Variants in AFTPH observed in about 807,000 individuals in gnomAD.
AFTPH encodes aftiphilin protein.
Under a neutral mutation model 72.5 loss-of-function variants are expected in AFTPH, and 7 were observed. That is an observed-to-expected ratio of 0.10 (90% CI 0.05 to 0.18). The LOEUF (loss-of-function observed/expected upper bound fraction) is 0.18, where lower values mean the gene tolerates loss of function less well. Among genes scored for constraint, AFTPH ranks in the 10% least tolerant of loss-of-function variants. The probability of loss-of-function intolerance (pLI) is 1.00; values close to 1 mark genes in which losing one functional copy is unlikely to be tolerated. For missense variants in AFTPH, 979 were observed against 1,060.5 expected (o/e 0.92, Z 1.07); for synonymous variants, 337 against 370.1 (o/e 0.91, Z 1.03).
chr2:64,528,498 T>C (rs934089497), intron 1 of AFTPH, among the ~76,000 whole-genome samples: 1 of 152,242 alleles, frequency 6.6e-6, no homozygotes, highest in African/African-American at 2.4e-5. Flanking sequence ...TAATGGCAGA[T>C]GATGTTAAGT....
intron 1 of AFTPH, among the ~76,000 whole-genome samples, chr2:64,547,671 A>G (rs190176960): frequency 1.3e-5 from 2 of 152,298 alleles, no homozygotes; most frequent in East Asian, 3.9e-4. Flanking sequence ...ATCCATTATT[A>G]TCTTTATTTC....
intron 1 of AFTPH, among the ~76,000 whole-genome samples, chr2:64,550,688 C>G (rs1251765489): frequency 1.8e-5 from 1 of 56,130 alleles, no homozygotes; most frequent in African/African-American, 7.2e-5. Flanking sequence ...CACACACACA[C>G]ACACACACAC....
intron 1 of AFTPH, among the ~76,000 whole-genome samples, chr2:64,538,694 A>G (rs931340793): frequency 2.0e-5 from 3 of 152,238 alleles, no homozygotes; most frequent in Admixed American, 2.0e-4. Flanking sequence ...TAAAATTAAT[A>G]GCACCTGGCA....
At chr2:64,531,681 G>T (rs1669640179) in intron 1 of AFTPH, among the ~76,000 whole-genome samples, 1 of 152,164 alleles carries the variant, frequency 6.6e-6, no homozygotes, top group Admixed American at 6.5e-5. Context: ...TGTGATTTCA[G>T]TGTAAAATAC....
chr2:64,568,927 G>T (rs746489676), intron 3 of AFTPH, among the ~76,000 whole-genome samples, 165 bp from the exon 4 acceptor site: 1 of 152,168 alleles, frequency 6.6e-6, no homozygotes, highest in African/African-American at 2.4e-5. Flanking sequence ...TATTTTTCTA[G>T]TGACTATAAG....
rs775462789 is a variant in AFTPH, at chr2:64,573,081, A to G, written c.2394+13A>G. On this transcript the variant is annotated intron_variant, in intron 6 of 8. Transcript: ENST00000238856. ...TGATCAGTTCCAGGTAAAAATATCT[A>G]TATGTGTATAAATATGTTTATGCGT... 2.5e-6 allele frequency: 4 copies of G among 1,607,362 alleles called. No homozygotes were observed. The highest frequency in any genetic ancestry group is 2.7e-5 in the African/African-American group (2 of 74,770).
intron 1 of AFTPH, among the ~76,000 whole-genome samples, chr2:64,548,547 A>C (rs1196221451): frequency 1.3e-5 from 2 of 152,110 alleles, no homozygotes. Context: ...ATTTCCTTAA[A>C]AGGAGTTTGC....
At chr2:64,586,145 T>C (rs1363952080) in intron 8 of AFTPH, among the ~76,000 whole-genome samples, 5 of 152,190 alleles carry the variant, frequency 3.3e-5, no homozygotes, top group African/African-American at 7.2e-5. Flanking sequence ...GAATCTTTAG[T>C]TTCATATGAT....
At chr2:64,580,078 A>G (rs1673087639) in intron 7 of AFTPH, 1 of 152,708 alleles carries the variant, frequency 6.5e-6, no homozygotes, top group Non-Finnish European at 1.5e-5. Context: ...GTGTCTCCAA[A>G]TGTTAGTAGG....
chr2:64,553,239 G>A (rs1350834837), exon 2 of AFTPH: 1 of 1,613,956 alleles, frequency 6.2e-7, no homozygotes, highest in African/African-American at 1.3e-5. Flanking sequence ...GGCTGCTTTT[G>A]GAGACCAGCA....
At chr2:64,570,492 TTTTGA>T (rs1672347735) in intron 5 of AFTPH, among the ~76,000 whole-genome samples, 1 of 152,228 alleles carries the variant, frequency 6.6e-6, no homozygotes, top group Non-Finnish European at 1.5e-5. Flanking sequence ...AATTGGAACA[TTTTGA>T]TTTGTTTTGT....
At chr2:64,576,985 C>T (rs1226954600) in intron 6 of AFTPH, among the ~76,000 whole-genome samples, 1 of 152,154 alleles carries the variant, frequency 6.6e-6, no homozygotes, top group Non-Finnish European at 1.5e-5. Flanking sequence ...TCTCAAACTC[C>T]TGACCTCAAG....
chr2:64,580,178 TTAAAA>T (rs1242720914), intron 7 of AFTPH: 1 of 152,646 alleles, frequency 6.6e-6, no homozygotes, highest in Non-Finnish European at 1.5e-5. Context: ...TGTGGGCTCT[TTAAAA>T]TAAGTAACAC....
chr2:64,566,608 T>C (rs929887776), intron 2 of AFTPH, among the ~76,000 whole-genome samples: 1 of 152,316 alleles, frequency 6.6e-6, no homozygotes, highest in Admixed American at 6.5e-5. Context: ...TCCCAGTTGA[T>C]GTTTAAATGG....
chr2:64,569,578 G>A, intron 4 of AFTPH, 45 bp from the exon 5 acceptor site: 1 of 1,576,236 alleles, frequency 6.3e-7, no homozygotes, highest in Non-Finnish European at 8.7e-7. Context: ...TTGTATGATA[G>A]ATTATTCTCT....
chr2:64,544,991 T>C (rs553139392), intron 1 of AFTPH, among the ~76,000 whole-genome samples: 1 of 152,266 alleles, frequency 6.6e-6, no homozygotes, highest in Non-Finnish European at 1.5e-5. Context: ...CTTGCAAAGG[T>C]ATGACAGGAA....
In AFTPH at chr2:64,579,653, A is replaced by T. The variant is rs556943890; in HGVS notation, c.2455+107A>T. On this transcript the variant is annotated intron_variant, in intron 7 of 8. Coordinates refer to ENST00000238856, the Ensembl canonical transcript of AFTPH. ...TTCCTTTTTTGTTTGAACATAACTTATTCTTATCTTTGGAAATTCAGGCTT... is the reference window on the plus strand; with the variant it reads ...TTCCTTTTTTGTTTGAACATAACTTTTTCTTATCTTTGGAAATTCAGGCTT... 6.7e-5 allele frequency: 66 copies of T among 990,530 alleles called. No homozygotes were observed. In the African/African-American group the frequency reaches 9.9e-4, roughly 15 times the overall value. 61.4% of individuals were successfully genotyped at this position (990,530 alleles called of 1,614,324 possible). A position where few individuals can be genotyped will look rare whatever the true frequency, so the allele number is the denominator to read the frequency against.
At chr2:64,548,378 C>A (rs1276540854) in intron 1 of AFTPH, among the ~76,000 whole-genome samples, 2 of 113,366 alleles carry the variant, frequency 1.8e-5, no homozygotes, top group Non-Finnish European at 3.3e-5. Flanking sequence ...CAGGCCTGGG[C>A]GACAGAGCGA....
chr2:64,554,398 T>C (rs913528388), intron 2 of AFTPH, among the ~76,000 whole-genome samples: 1 of 152,258 alleles, frequency 6.6e-6, no homozygotes, highest in African/African-American at 2.4e-5. Flanking sequence ...ACAATTGATA[T>C]ATGTAACTAA....
Sources: gnomAD v4.1 joint callset for allele counts (sites outside exome capture counted in the v4.1 genomes callset) on GRCh38, gnomAD v4.1.1 for gene constraint, MANE v1.5 for transcripts, NCBI Gene and HGNC (gene_info 2026-07-23, HGNC 2026-07-21) for gene names.